HNF4G: variants seen among roughly 807,000 people sequenced by gnomAD.
The protein encoded by HNF4G is hepatocyte nuclear factor 4-gamma.
A neutral mutation model predicts 50.9 loss-of-function variants in HNF4G; 21 were observed. That is an observed-to-expected ratio of 0.41 (90% CI 0.29 to 0.59). The LOEUF is 0.59. Ranked by LOEUF, HNF4G falls within the 20% of genes least tolerant of loss-of-function variation. The pLI, the probability that HNF4G is intolerant of heterozygous loss-of-function variation, is 0.26. For missense variants in HNF4G, 527 were observed against 559.4 expected (o/e 0.94, Z 0.58); for synonymous variants, 198 against 185.6 (o/e 1.07, Z -0.54).
intron 1 of HNF4G, among the ~76,000 whole-genome samples, chr8:75,455,436 G>T (rs993739860): frequency 6.6e-6 from 1 of 152,068 alleles, no homozygotes; most frequent in African/African-American, 2.4e-5. Flanking sequence ...TTACACACAG[G>T]CCACAATGAT....
rs975619567 is a variant in HNF4G at position 75,474,492 on chromosome 8, T to A, written c.-143-15597T>A. ...TATTGTATGAAGGTTTTAGATTTCA[T>A]GTCCTTAAAACTACTTAAAATAAGT... On this transcript the variant is annotated intron_variant, in intron 1 of 10. Coordinates refer to the HNF4G transcript ENST00000354370. 8.5e-5 allele frequency among the ~76,000 whole-genome samples: 13 copies of A among 152,308 alleles called. No homozygotes were observed. In the East Asian group the frequency reaches 2.5e-3, roughly 29 times the overall value.
chr8:75,512,473 G>T (rs199850200), intron 2 of HNF4G, among the ~76,000 whole-genome samples: 2 of 98,920 alleles, frequency 2.0e-5, no homozygotes, highest in South Asian at 3.5e-4. Context: ...TATTATTATT[G>T]TTATTATTTG....
chr8:75,412,066 A>G (rs1368551852), intron 1 of HNF4G, among the ~76,000 whole-genome samples: 1 of 152,112 alleles, frequency 6.6e-6, no homozygotes, highest in Non-Finnish European at 1.5e-5. Flanking sequence ...TTCTCTCTAG[A>G]GATTATTATA....
intron 2 of HNF4G, among the ~76,000 whole-genome samples, chr8:75,491,925 C>G (rs1171430901): frequency 6.6e-6 from 1 of 152,174 alleles, no homozygotes; most frequent in East Asian, 1.9e-4. Context: ...AATGCTTGCC[C>G]CAAACAAGTG....
chr8:75,467,800 C>A (rs1812020514), intron 1 of HNF4G, among the ~76,000 whole-genome samples: 1 of 151,990 alleles, frequency 6.6e-6, no homozygotes, highest in Non-Finnish European at 1.5e-5. Context: ...TCCCAGATGA[C>A]TCTAATCAGA....
At chr8:75,433,637 G>A (rs990276726) in intron 1 of HNF4G, among the ~76,000 whole-genome samples, 3 of 152,022 alleles carry the variant, frequency 2.0e-5, no homozygotes, top group African/African-American at 7.2e-5. Context: ...GGGCTTCAGT[G>A]GTTCTCCCAC....
intron 2 of HNF4G, among the ~76,000 whole-genome samples, chr8:75,503,518 T>C (rs897039051): frequency 1.7e-4 from 26 of 152,234 alleles, no homozygotes; most frequent in African/African-American, 5.3e-4. Flanking sequence ...TCAGAGCTTT[T>C]TATCCATAGT....
At chr8:75,523,058 T>C (rs1806087520) in intron 2 of HNF4G, among the ~76,000 whole-genome samples, 1 of 151,882 alleles carries the variant, frequency 6.6e-6, no homozygotes, top group Non-Finnish European at 1.5e-5. Context: ...ATCCCATCTC[T>C]ACTAAAAATA....
intron 1 of HNF4G, among the ~76,000 whole-genome samples, chr8:75,429,583 T>C (rs568416012): frequency 2.6e-5 from 4 of 152,188 alleles, no homozygotes; most frequent in African/African-American, 7.2e-5. Context: ...TAATACTCAC[T>C]TCTCATAATG....
At chr8:75,474,696 T>C (rs1812198524) in intron 1 of HNF4G, among the ~76,000 whole-genome samples, 1 of 152,108 alleles carries the variant, frequency 6.6e-6, no homozygotes, top group Non-Finnish European at 1.5e-5. Context: ...AATTATTATT[T>C]TTTAATACAA....
intron 2 of HNF4G, among the ~76,000 whole-genome samples, chr8:75,529,301 A>G (rs1009776143): frequency 6.6e-6 from 1 of 151,696 alleles, no homozygotes; most frequent in African/African-American, 2.4e-5. Flanking sequence ...AAAAAAAAAA[A>G]CCTCAGATCT....
chr8:75,517,508 A>T (rs929958885), intron 2 of HNF4G, among the ~76,000 whole-genome samples: 1 of 152,070 alleles, frequency 6.6e-6, no homozygotes, highest in Non-Finnish European at 1.5e-5. Context: ...AATGGGAAAA[A>T]TTGGCCAAAA....
chr8:75,439,657 G>A (rs1811226950), intron 1 of HNF4G, among the ~76,000 whole-genome samples: 2 of 151,856 alleles, frequency 1.3e-5, no homozygotes, highest in African/African-American at 2.4e-5. Context: ...GGATCAAAAT[G>A]GTTTAATAAT....
chr8:75,543,669 C>G (rs1174041230), intron 1 of HNF4G, 142 bp from the exon 2 acceptor site: 1 of 599,370 alleles, frequency 1.7e-6, no homozygotes, highest in African/African-American at 1.9e-5. Context: ...AAGCAGCCAG[C>G]CAGGGGTTAA....
chr8:75,480,721 C>CTTT (rs1336807468), intron 1 of HNF4G, among the ~76,000 whole-genome samples: 1 of 122,436 alleles, frequency 8.2e-6, no homozygotes, highest in African/African-American at 3.3e-5. Flanking sequence ...CTTTTTCTTT[C>CTTT]TTTTTTTTTT....
intron 2 of HNF4G, among the ~76,000 whole-genome samples, chr8:75,532,998 C>T (rs1389729812): frequency 6.6e-6 from 1 of 151,904 alleles, no homozygotes; most frequent in Non-Finnish European, 1.5e-5. Flanking sequence ...ATCATGATTA[C>T]TTGATTATAA....
intron 2 of HNF4G, among the ~76,000 whole-genome samples, chr8:75,507,672 A>G (rs996811474): frequency 6.6e-6 from 1 of 152,170 alleles, no homozygotes; most frequent in East Asian, 1.9e-4. Context: ...GATGTGCTAT[A>G]CTCTTCAAAT....
At chr8:75,429,709 G>A (rs1025547192) in intron 1 of HNF4G, among the ~76,000 whole-genome samples, 12 of 152,134 alleles carry the variant, frequency 7.9e-5, no homozygotes, top group African/African-American at 2.7e-4. Flanking sequence ...AAAGCAGAAA[G>A]GCCGATCAGG....
At chr8:75,440,953 G>T (rs369122260) in intron 1 of HNF4G, among the ~76,000 whole-genome samples, 1 of 151,994 alleles carries the variant, frequency 6.6e-6, no homozygotes, top group East Asian at 1.9e-4. Context: ...AACCTCTTGG[G>T]CTCCAGTGAT....
Sources: allele counts gnomAD v4.1 joint callset (sites outside exome capture counted in the v4.1 genomes callset), GRCh38; gene constraint gnomAD v4.1.1; transcripts MANE v1.5; gene names NCBI Gene and HGNC (gene_info 2026-07-23, HGNC 2026-07-21).